Variants in AGAP1 observed in about 807,000 individuals in gnomAD.
AGAP1 encodes the protein arf-GAP with GTPase, ANK repeat and PH domain-containing protein 1.
In AGAP1, 29 loss-of-function variants were observed where a neutral mutation model predicts 105.3. The ratio of observed to expected loss-of-function variants is 0.28; its 90% confidence interval spans 0.21 to 0.38. The LOEUF is 0.38. AGAP1 is among the 10% of genes least tolerant of loss of function. AGAP1 has a pLI of 1.00. For synonymous variants in AGAP1, 509 were observed against 485.9 expected, an observed-to-expected ratio of 1.05 and a Z score of -0.63; for missense variants, 998 against 1,165.1, an observed-to-expected ratio of 0.86 and a Z score of 2.09.
intron 1 of AGAP1, among the ~76,000 whole-genome samples, chr2:235,693,172 G>C (rs377417339): frequency 2.6e-5 from 4 of 152,168 alleles, no homozygotes; most frequent in African/African-American, 9.7e-5. Flanking sequence ...TTGAGCTCCC[G>C]CCTGAGGGTT....
chr2:236,045,967 G>A lies in AGAP1; in HGVS notation c.1892-3092G>A. 1 of 471,744 alleles carries A rather than the reference G, an allele frequency of 2.1e-6. No individual in the cohort carries two copies. The highest frequency in any genetic ancestry group is 4.4e-6 in the Non-Finnish European group (1 of 227,166). 29.2% of individuals were successfully genotyped at this position (471,744 alleles called of 1,614,324 possible). A position where few individuals can be genotyped will look rare whatever the true frequency, so the allele number is the denominator to read the frequency against. ...AGAATTCGGAGTCCGGCACAGGAATGTGTCCCACGCATGAATGTCGTCCTT... is the reference window on the plus strand; with the variant it reads ...AGAATTCGGAGTCCGGCACAGGAATATGTCCCACGCATGAATGTCGTCCTT... On this transcript the variant is annotated intron_variant, in intron 15 of 17. Transcript: ENST00000304032. This position sits in a 1 kb window ranked among gnomAD's most constrained non-coding sequence, Gnocchi z 6.9.
rs1015740626 is a variant in AGAP1, at chr2:235,875,727, G to C, written c.1051-7618G>C. On this transcript the variant is annotated intron_variant, in intron 9 of 17. Coordinates refer to ENST00000304032, the MANE Select transcript of AGAP1 (RefSeq NM_001037131.3). The surrounding 1 kb of genome is among the most constrained non-coding windows in gnomAD (Gnocchi z 4.0). ...CACATGGAGCCACTTGGAGACTTGT[G>C]TGTTAGTTGTGCACAGATACCTACA... is the stretch of plus-strand genomic sequence containing the variant. Among the ~76,000 whole-genome samples, 1 of 152,098 alleles carries C rather than the reference G, an allele frequency of 6.6e-6. No homozygotes were observed. The highest frequency in any genetic ancestry group is 2.1e-4 in the South Asian group (1 of 4,828).
chr2:235,770,127 TTG>T (rs1955310328), intron 6 of AGAP1, among the ~76,000 whole-genome samples: 1 of 141,752 alleles, frequency 7.1e-6, no homozygotes, highest in Admixed American at 7.4e-5. Flanking sequence ...TTTTCTTTCT[TTG>T]TTTCTTTTTT....
At chr2:235,581,174 G>T (rs1479997208) in intron 1 of AGAP1, among the ~76,000 whole-genome samples, 9 of 150,668 alleles carry the variant, frequency 6.0e-5, no homozygotes, top group African/African-American at 2.2e-4. Flanking sequence ...GGGCATGGTG[G>T]TAGGTGCCTG....
At chr2:235,616,162 A>C (rs537596555) in intron 1 of AGAP1, among the ~76,000 whole-genome samples, 1 of 152,278 alleles carries the variant, frequency 6.6e-6, no homozygotes, top group East Asian at 1.9e-4. Flanking sequence ...AGAGATCAAG[A>C]CCATCCTGGC....
At chr2:235,917,117 T>G (rs1336721648) in intron 11 of AGAP1, among the ~76,000 whole-genome samples, 3 of 152,216 alleles carry the variant, frequency 2.0e-5, no homozygotes, top group Admixed American at 1.3e-4. Context: ...CTAACCAGAT[T>G]GATGCTTAGA....
chr2:236,112,806 T>C (rs895761054), intron 16 of AGAP1, among the ~76,000 whole-genome samples: 2 of 152,246 alleles, frequency 1.3e-5, no homozygotes, highest in African/African-American at 4.8e-5. Context: ...AAGAGAACTT[T>C]GGCCCTGCTA....
chr2:235,675,182 G>T (rs1428181382), intron 1 of AGAP1, among the ~76,000 whole-genome samples: 4 of 135,128 alleles, frequency 3.0e-5, no homozygotes, highest in African/African-American at 1.1e-4. Flanking sequence ...TGGTTGGTTG[G>T]TTGGTTGGTT....
intron 12 of AGAP1, among the ~76,000 whole-genome samples, chr2:235,933,156 A>T (rs554583472): frequency 6.6e-6 from 1 of 152,346 alleles, no homozygotes; most frequent in Non-Finnish European, 1.5e-5. Context: ...GATAGAGTTG[A>T]TCAAGGAAAG....
In AGAP1 at chr2:236,083,420, T is replaced by A. The variant is rs1041962964; in HGVS notation, c.2114+34139T>A. 6.6e-6 allele frequency among the ~76,000 whole-genome samples: 1 copy of A among 152,238 alleles called. No individual in the cohort carries two copies. Among genetic ancestry groups the A allele is most frequent in the Non-Finnish European group, 1.5e-5 (1 of 68,048 alleles). On this transcript the variant is annotated intron_variant, in intron 16 of 17. Transcript: ENST00000304032. This position sits in a 1 kb window ranked among gnomAD's most constrained non-coding sequence, Gnocchi z 5.3. The stretch of plus-strand genomic sequence containing the variant: ...TTAAAGGATTGTTTTCATTTTATTA[T>A]AAGGAAGAGACATTTTTGGTATAAG...
At chr2:235,773,992 T>C (rs773881016) in intron 6 of AGAP1, 21 of 470,458 alleles carry the variant, frequency 4.5e-5, no homozygotes, top group South Asian at 3.3e-4. Context: ...TCTAAGATTT[T>C]TAACAAAAAT....
rs1283645260 is a variant in AGAP1, at chr2:235,494,064, G to C, written c.-623G>C. ...GGCCGGAGCCCTGCGTGCCAGGGAG[G>C]GGGCCGGCCGGGCAGGCGGCGGGCG... On this transcript the variant is annotated 5_prime_UTR_variant, in exon 1 of 18. Coordinates refer to ENST00000304032, the MANE Select transcript of AGAP1 (RefSeq NM_001037131.3). 1 of 146,556 alleles carries C rather than the reference G, an allele frequency of 6.8e-6. No individual in the cohort carries two copies. The highest frequency in any genetic ancestry group is 1.5e-5 in the Non-Finnish European group (1 of 65,646). The allele number at this position is 146,556 out of a possible 1,614,324, so 9.1% of individuals were successfully genotyped here.
Position 235,875,856 on chromosome 2 carries a change from T to C in AGAP1, c.1051-7489T>C, listed in dbSNP as rs1476719538. Among the ~76,000 whole-genome samples the C allele has an allele frequency of 1.3e-5, 2 of 152,258 alleles. No homozygotes were observed. The highest frequency in any genetic ancestry group is 4.8e-5 in the African/African-American group (2 of 41,468). On this transcript the variant is annotated intron_variant, in intron 9 of 17. Coordinates refer to ENST00000304032, the MANE Select transcript of AGAP1 (RefSeq NM_001037131.3). This position sits in a 1 kb window ranked among gnomAD's most constrained non-coding sequence, Gnocchi z 4.0. Reference sequence around the variant, plus strand: ...ATACATTATAATTGCACTAGGGACTTCTAAATTTTTATTCAATGGGTAAAT... The same window carrying C: ...ATACATTATAATTGCACTAGGGACTCCTAAATTTTTATTCAATGGGTAAAT...
chr2:235,817,784 G>A (rs1575544805), intron 9 of AGAP1, among the ~76,000 whole-genome samples: 1 of 152,134 alleles, frequency 6.6e-6, no homozygotes, highest in South Asian at 2.1e-4. Flanking sequence ...CCAACTACTC[G>A]GGAGCCTGAG....
At chr2:235,837,997 C>T (rs920169327) in intron 9 of AGAP1, among the ~76,000 whole-genome samples, 2 of 151,988 alleles carry the variant, frequency 1.3e-5, no homozygotes, top group Non-Finnish European at 2.9e-5. Context: ...AGCCTGGCCA[C>T]CATGGTGAAA....
intron 4 of AGAP1, among the ~76,000 whole-genome samples, chr2:235,743,889 T>C (rs529854133): frequency 6.6e-6 from 1 of 152,374 alleles, no homozygotes; most frequent in East Asian, 1.9e-4. Flanking sequence ...GGGAAGTCTC[T>C]GCCCTGCAGG....
chr2:235,588,830 A>G (rs1242910600), intron 1 of AGAP1, among the ~76,000 whole-genome samples: 2 of 152,140 alleles, frequency 1.3e-5, no homozygotes, highest in Non-Finnish European at 2.9e-5. Context: ...TTTACCCAGC[A>G]CGTTGGGGAT....
chr2:236,025,748 A>G (rs997392973), intron 13 of AGAP1, among the ~76,000 whole-genome samples: 22 of 152,164 alleles, frequency 1.4e-4, no homozygotes, highest in African/African-American at 4.8e-4. Flanking sequence ...GTTTTAAAAA[A>G]AGGAGACGCT....
chr2:235,804,469 G>C (rs1286377415), intron 8 of AGAP1, among the ~76,000 whole-genome samples: 1 of 152,160 alleles, frequency 6.6e-6, no homozygotes, highest in Non-Finnish European at 1.5e-5. Context: ...ATTTGTTTTT[G>C]CAGAGGAGCT....
Sources: gnomAD v4.1 joint callset for allele counts (sites outside exome capture counted in the v4.1 genomes callset) on GRCh38, gnomAD v4.1.1 for gene constraint, Gnocchi (gnomAD v3.1) non-coding constraint, MANE v1.5 for transcripts, NCBI Gene and HGNC (gene_info 2026-07-23, HGNC 2026-07-21) for gene names.